Variants in NCAM2 observed in about 807,000 individuals in gnomAD.
The protein encoded by NCAM2 is neural cell adhesion molecule 2.
NCAM2 carries 30 observed loss-of-function variants against 98.1 expected under a neutral mutation model. The observed-to-expected ratio is 0.31, with a 90% CI of 0.23 to 0.41. The LOEUF is 0.41. Among genes scored for constraint, NCAM2 ranks in the 10% least tolerant of loss-of-function variants. NCAM2 has a pLI of 1.00. For missense variants in NCAM2, 867 were observed against 1,005.8 expected (o/e 0.86, Z 1.87); for synonymous variants, 368 against 342.4 (o/e 1.07, Z -0.83).
intron 1 of NCAM2, among the ~76,000 whole-genome samples, chr21:21,005,992 A>G (rs554062899): frequency 8.0e-4 from 122 of 152,304 alleles, no homozygotes; most frequent in Non-Finnish European, 1.2e-3. Context: ...TCCTGATTAT[A>G]TCGTATTTTA....
intron 1 of NCAM2, among the ~76,000 whole-genome samples, chr21:21,002,246 T>C (rs1028476959): frequency 1.1e-4 from 17 of 152,082 alleles, no homozygotes; most frequent in Admixed American, 6.6e-5. Context: ...TCGGAGCCCA[T>C]AGAGCAAGAA....
chr21:21,462,947 T>A (rs534807208), intron 12 of NCAM2, among the ~76,000 whole-genome samples: 19 of 152,252 alleles, frequency 1.2e-4, no homozygotes, highest in African/African-American at 4.6e-4. Context: ...AGATCTGCTT[T>A]CTCCTAATTC....
intron 1 of NCAM2, among the ~76,000 whole-genome samples, chr21:21,275,991 C>T (rs1361028565): frequency 6.6e-6 from 1 of 152,126 alleles, no homozygotes; most frequent in Non-Finnish European, 1.5e-5. Context: ...TGGACCTTGT[C>T]TATACTGACC....
intron 9 of NCAM2, among the ~76,000 whole-genome samples, chr21:21,404,746 ATATG>A (rs770847454): frequency 6.2e-4 from 94 of 151,886 alleles, no homozygotes; most frequent in Non-Finnish European, 5.7e-4. Flanking sequence ...ATGAGAGTGA[ATATG>A]TATATATTCA....
intron 1 of NCAM2, among the ~76,000 whole-genome samples, chr21:21,215,371 CAG>C (rs1282638510): frequency 6.6e-6 from 1 of 152,088 alleles, no homozygotes; most frequent in East Asian, 1.9e-4. Flanking sequence ...ATTTTTAACA[CAG>C]AAAGTTTACT....
In NCAM2 at chr21:21,411,015, AAT is replaced by A. The variant is rs1316213362; in HGVS notation, c.1383+570_1383+571del. On this transcript the variant is annotated intron_variant, in intron 10 of 17. Transcript: ENST00000400546. ...AGCGAGACTCCGTCTTAAAAAAAAAAATATATATATATATATACACACATATA... is the reference window on the plus strand; with the variant it reads ...AGCGAGACTCCGTCTTAAAAAAAAAAATATATATATATATACACACATATA... Among the ~76,000 whole-genome samples, 85 of 65,830 alleles carry A rather than the reference AAT, an allele frequency of 1.3e-3. 8 individuals carry two copies. Among genetic ancestry groups the A allele is most frequent in the African/African-American group, 5.2e-3 (79 of 15,334 alleles). 43.2% of individuals were successfully genotyped at this position (65,830 alleles called of 152,430 possible). A position where few individuals can be genotyped will look rare whatever the true frequency, so the allele number is the denominator to read the frequency against.
At chr21:21,324,598 G>T in intron 6 of NCAM2, 98 bp downstream of exon 6, 1 of 874,996 alleles carries the variant, frequency 1.1e-6, no homozygotes, top group African/African-American at 1.7e-5. Context: ...GCAAACCATT[G>T]CATTTTAGTT....
chr21:21,534,706 G>A, intron 17 of NCAM2, 50 bp downstream of exon 17: 1 of 1,415,154 alleles, frequency 7.1e-7, no homozygotes, highest in Admixed American at 2.5e-5. Context: ...TTGGCAAAAT[G>A]ATAACACATT....
At chr21:21,104,498 GTAAA>G (rs2146500965) in intron 1 of NCAM2, among the ~76,000 whole-genome samples, 1 of 152,212 alleles carries the variant, frequency 6.6e-6, no homozygotes, top group East Asian at 1.9e-4. Flanking sequence ...AGTGAACAAT[GTAAA>G]TATTCTTTGC....
At chr21:21,169,818 T>C (rs2146836305) in intron 1 of NCAM2, among the ~76,000 whole-genome samples, 1 of 152,062 alleles carries the variant, frequency 6.6e-6, no homozygotes, top group East Asian at 1.9e-4. Flanking sequence ...AGTAGCCTGA[T>C]GTGGTGGTGC....
intron 5 of NCAM2, among the ~76,000 whole-genome samples, chr21:21,314,949 A>G (rs997289896): frequency 2.0e-5 from 3 of 152,206 alleles, no homozygotes; most frequent in Non-Finnish European, 2.9e-5. Context: ...TGCCATTGGC[A>G]TTTCCAATGA....
At chr21:21,097,673 T>G (rs1238474109) in intron 1 of NCAM2, among the ~76,000 whole-genome samples, 1 of 151,546 alleles carries the variant, frequency 6.6e-6, no homozygotes, top group African/African-American at 2.4e-5. Flanking sequence ...CCACCAAGGC[T>G]GTTTTGTGCA....
intron 5 of NCAM2, among the ~76,000 whole-genome samples, chr21:21,309,123 A>T (rs2073967215): frequency 6.6e-6 from 1 of 152,160 alleles, no homozygotes; most frequent in Non-Finnish European, 1.5e-5. Flanking sequence ...AACTGATTTA[A>T]TGTTATTGTG....
chr21:21,493,646 T>A (rs1204422482), intron 15 of NCAM2, among the ~76,000 whole-genome samples: 1 of 151,926 alleles, frequency 6.6e-6, no homozygotes, highest in African/African-American at 2.4e-5. Flanking sequence ...GTATCCACCA[T>A]TTTGGTACCA....
intron 1 of NCAM2, among the ~76,000 whole-genome samples, chr21:21,038,363 T>C (rs7509678): frequency 0.94 from 143,783 of 152,264 alleles, 68,429 homozygotes; most frequent in East Asian, 1. Flanking sequence ...AAATCCTGGC[T>C]TTCTACTGTC....
intron 12 of NCAM2, among the ~76,000 whole-genome samples, chr21:21,441,504 A>G (rs1366608411): frequency 6.6e-6 from 1 of 152,236 alleles, no homozygotes; most frequent in East Asian, 1.9e-4. Flanking sequence ...ATATCAATGA[A>G]TGAAACAAAA....
chr21:21,101,916 G>A (rs1251697478), intron 1 of NCAM2, among the ~76,000 whole-genome samples: 1 of 152,012 alleles, frequency 6.6e-6, no homozygotes, highest in Non-Finnish European at 1.5e-5. Flanking sequence ...AGCATTTCCA[G>A]CTCTCACTGT....
intron 8 of NCAM2, among the ~76,000 whole-genome samples, chr21:21,354,303 T>G (rs1230709040): frequency 6.6e-6 from 1 of 152,202 alleles, no homozygotes; most frequent in African/African-American, 2.4e-5. Flanking sequence ...ATAACTATCT[T>G]AAGGCAGCAT....
chr21:21,490,306 T>C (rs1370000307), intron 15 of NCAM2, among the ~76,000 whole-genome samples: 5 of 152,050 alleles, frequency 3.3e-5, no homozygotes, highest in African/African-American at 7.2e-5. Flanking sequence ...TAACTGCATT[T>C]CATCTCCTTT....
Sources: gnomAD v4.1 joint callset for allele counts (sites outside exome capture counted in the v4.1 genomes callset) on GRCh38, gnomAD v4.1.1 for gene constraint, MANE v1.5 for transcripts, NCBI Gene and HGNC (gene_info 2026-07-23, HGNC 2026-07-21) for gene names.